TENM2: variants seen among roughly 807,000 people sequenced by gnomAD.
The protein encoded by TENM2 is teneurin transmembrane protein 2, also known as teneurin-2.
In TENM2, 52 loss-of-function variants were observed where a neutral mutation model predicts 245.2. The ratio of observed to expected loss-of-function variants is 0.21; its 90% CI spans 0.17 to 0.27. The LOEUF is 0.27. TENM2 is among the 10% of genes least tolerant of loss of function. The pLI is 1.00. For synonymous variants in TENM2, 1,363 were observed against 1,438.9 expected (o/e 0.95, Z 1.19); for missense variants, 3,046 against 3,666.8 (o/e 0.83, Z 4.37).
chr5:167,281,439 C>A (rs532767788), upstream of TENM2, among the ~76,000 whole-genome samples: 77 of 152,126 alleles, frequency 5.1e-4, no homozygotes, highest in Admixed American at 1.2e-3. Flanking sequence ...AAGTAACAGG[C>A]AGGCTAAATA....
chr5:168,090,550 T>A (rs1010935509), intron 7 of TENM2, 24 bp from the exon 10 acceptor site: 4 of 1,605,202 alleles, frequency 2.5e-6, no homozygotes, highest in African/African-American at 1.3e-5. Flanking sequence ...GTCTCATGCA[T>A]GGTACTCTCT....
intron 2 of TENM2, among the ~76,000 whole-genome samples, chr5:167,751,970 A>ATGCGCG (rs1242988205): frequency 6.6e-6 from 1 of 151,936 alleles, no homozygotes; most frequent in East Asian, 1.9e-4. Context: ...ACACACACAC[A>ATGCGCG]CACACATGCG....
the TENM2 span, among the ~76,000 whole-genome samples, chr5:167,214,663 T>C: frequency 6.6e-6 from 1 of 152,206 alleles, no homozygotes; most frequent in Admixed American, 6.5e-5. Flanking sequence ...GTTGACATTC[T>C]GATTTGATTA....
At chr5:167,872,319 AAAGAAAGAAAGAAAGAAAGAAAG>A (rs1281309403) in intron 2 of TENM2, among the ~76,000 whole-genome samples, 11 of 52,796 alleles carry the variant, frequency 2.1e-4, no homozygotes, top group Non-Finnish European at 5.5e-4. Context: ...AGAAAGAAAG[AAAGAAAGAAAGAAAGAAAGAAAG>A]AAAGAAAGAA....
At chr5:168,157,943 G>T (rs1203862836) in intron 12 of TENM2, among the ~76,000 whole-genome samples, 1 of 152,074 alleles carries the variant, frequency 6.6e-6, no homozygotes, top group East Asian at 1.9e-4. Context: ...GTTGTTTTGA[G>T]ACCGAGTCTC....
the TENM2 span, among the ~76,000 whole-genome samples, chr5:167,048,730 T>C: frequency 2.6e-5 from 4 of 152,218 alleles, no homozygotes; most frequent in African/African-American, 9.6e-5. Flanking sequence ...AATGCCTATT[T>C]GTGTTACCTT....
At chr5:167,893,586 C>CT (rs1250617470) in intron 3 of TENM2, among the ~76,000 whole-genome samples, 4 of 148,804 alleles carry the variant, frequency 2.7e-5, no homozygotes, top group Admixed American at 6.7e-5. Context: ...CTTGTATTTT[C>CT]TTTTTTTCCG....
chr5:167,237,501 T>C, the TENM2 span, among the ~76,000 whole-genome samples: 1 of 151,172 alleles, frequency 6.6e-6, no homozygotes, highest in Non-Finnish European at 1.5e-5. Flanking sequence ...TAAAATATGT[T>C]GAACTTAAAT....
At chr5:167,661,186 A>G (rs1755186529) in intron 2 of TENM2, among the ~76,000 whole-genome samples, 1 of 152,186 alleles carries the variant, frequency 6.6e-6, no homozygotes. Flanking sequence ...GAGTTTTAGA[A>G]TCAGAAGCAA....
At chr5:168,031,034 C>T (rs1442178840) in intron 5 of TENM2, among the ~76,000 whole-genome samples, 3 of 152,170 alleles carry the variant, frequency 2.0e-5, no homozygotes, top group Non-Finnish European at 4.4e-5. Flanking sequence ...TCCACCCCAA[C>T]TGCACCCCCC....
At chr5:167,880,853 T>C (rs772319121) in intron 3 of TENM2, among the ~76,000 whole-genome samples, 7 of 152,214 alleles carry the variant, frequency 4.6e-5, no homozygotes, top group Non-Finnish European at 8.8e-5. Context: ...CTATAGGCAA[T>C]AGACCTCAAA....
intron 2 of TENM2, among the ~76,000 whole-genome samples, chr5:167,804,121 A>G (rs1477348488): frequency 1.3e-5 from 2 of 152,082 alleles, no homozygotes; most frequent in Non-Finnish European, 2.9e-5. Context: ...AATTCGAAGC[A>G]TTTCTAGTCC....
chr5:168,181,000 T>A (rs955266741), intron 13 of TENM2, among the ~76,000 whole-genome samples: 1 of 151,938 alleles, frequency 6.6e-6, no homozygotes, highest in African/African-American at 2.4e-5. Context: ...CCGGAGCAGG[T>A]AGTCAGGGAG....
intron 5 of TENM2, among the ~76,000 whole-genome samples, chr5:168,014,008 A>T (rs1785468284): frequency 6.6e-6 from 1 of 152,172 alleles, no homozygotes. Context: ...TTATAAGGAC[A>T]CCATTCATAT....
chr5:167,527,320 G>GA lies in TENM2; in HGVS notation c.502+151854dup, dbSNP rs532997753. Among the ~76,000 whole-genome samples the GA allele has an allele frequency of 1.7e-3, 263 of 151,848 alleles. 1 individual carries two copies. Among genetic ancestry groups the GA allele is most frequent in the African/African-American group, 6.2e-3 (256 of 41,448 alleles). ...GAACAGTCCCCCACCCACCACAAAA[G>GA]AAAAAAATTCAGCAGATATTTATAA... is the stretch of plus-strand genomic sequence containing the variant. On this transcript the variant is annotated intron_variant, in intron 2 of 28. Transcript: ENST00000518659.
At chr5:168,224,275 A>T (rs4976584) in intron 23 of TENM2, among the ~76,000 whole-genome samples, 1 of 151,992 alleles carries the variant, frequency 6.6e-6, no homozygotes, top group African/African-American at 2.4e-5. Flanking sequence ...GCGCCACCCC[A>T]TGCCTGGGGC....
chr5:167,605,726 C>T (rs962011674), intron 2 of TENM2, among the ~76,000 whole-genome samples: 10 of 152,298 alleles, frequency 6.6e-5, no homozygotes, highest in African/African-American at 1.9e-4. Flanking sequence ...TACATCTGAT[C>T]GTGTACCAGG....
chr5:167,087,311 C>T, the TENM2 span, among the ~76,000 whole-genome samples: 1 of 152,184 alleles, frequency 6.6e-6, no homozygotes, highest in Non-Finnish European at 1.5e-5. Flanking sequence ...CAACGCACGT[C>T]ACCTGTTTGC....
At chr5:167,689,716 G>C (rs1757297493) in intron 2 of TENM2, among the ~76,000 whole-genome samples, 1 of 152,146 alleles carries the variant, frequency 6.6e-6, no homozygotes, top group Admixed American at 6.6e-5. Context: ...GAAGGGAAAG[G>C]GGAGAGTCCT....
Sources: gnomAD v4.1 joint callset for allele counts (sites outside exome capture counted in the v4.1 genomes callset) on GRCh38, gnomAD v4.1.1 for gene constraint, MANE v1.5 for transcripts, NCBI Gene and HGNC (gene_info 2026-07-23, HGNC 2026-07-21) for gene names.